Variants in CTXND1 observed in about 807,000 individuals in gnomAD.
CTXND1 encodes cortexin domain-containing 1 protein.
intron 1 of CTXND1, among the ~76,000 whole-genome samples, chr15:80,236,801 A>G (rs1289548362): frequency 6.9e-6 from 1 of 144,298 alleles, no homozygotes. Flanking sequence ...AAAAAATTAT[A>G]ATGGAGCTGA....
At chr15:80,203,566 C>T (rs1271252913) in intron 2 of CTXND1, 23 bp downstream of exon 2, 1 of 152,138 alleles carries the variant, frequency 6.6e-6, no homozygotes, top group Admixed American at 6.6e-5. Context: ...TCTCAGCCCT[C>T]ATCACTCTCG....
At chr15:80,237,359 A>T in intron 1 of CTXND1, among the ~76,000 whole-genome samples, 1 of 149,064 alleles carries the variant, frequency 6.7e-6, no homozygotes, top group East Asian at 2.0e-4. Context: ...AAAAAAAAAG[A>T]AAGAAAAAGA....
intron 1 of CTXND1, among the ~76,000 whole-genome samples, chr15:80,229,046 T>C (rs1893401732): frequency 6.6e-6 from 1 of 152,162 alleles, no homozygotes; most frequent in South Asian, 2.1e-4. Flanking sequence ...CATTTCAAAA[T>C]CTGAACACTC....
rs148274777 is a variant in CTXND1, at chr15:80,232,458, G to T, written c.-218+19549C>A. Among the ~76,000 whole-genome samples the T allele has an allele frequency of 3.6e-3, 545 of 152,278 alleles. 4 individuals are homozygous for T. The highest frequency in any genetic ancestry group is 0.013 in the African/African-American group (524 of 41,558). On this transcript the variant is annotated intron_variant, in intron 1 of 2. Transcript: ENST00000560778. ...TTAGTTTACTTAACACTAACAAACA[G>T]CCTTTAATGATTTTTTGTTGTTGTT...
At chr15:80,204,761 G>C (rs1469789337) in intron 1 of CTXND1, among the ~76,000 whole-genome samples, 1 of 150,834 alleles carries the variant, frequency 6.6e-6, no homozygotes, top group South Asian at 2.1e-4. Context: ...TATGAATGTG[G>C]GTGTACAAAT....
At chr15:80,219,901 C>T (rs546454848) in intron 1 of CTXND1, among the ~76,000 whole-genome samples, 8 of 152,120 alleles carry the variant, frequency 5.3e-5, no homozygotes, top group South Asian at 2.1e-4. Context: ...ATCATTTCTT[C>T]GCTGGTCTTG....
At chr15:80,215,890 A>C (rs1893247615) in intron 1 of CTXND1, among the ~76,000 whole-genome samples, 1 of 152,126 alleles carries the variant, frequency 6.6e-6, no homozygotes, top group Non-Finnish European at 1.5e-5. Flanking sequence ...CTGCAACTTC[A>C]ATCTTGGGAA....
At chr15:80,235,889 T>C (rs1893489501) in intron 1 of CTXND1, among the ~76,000 whole-genome samples, 2 of 151,458 alleles carry the variant, frequency 1.3e-5, no homozygotes, top group Non-Finnish European at 2.9e-5. Flanking sequence ...CCTCATGGGA[T>C]AATGATGAGG....
chr15:80,226,553 G>A (rs957698843), intron 1 of CTXND1, among the ~76,000 whole-genome samples: 8 of 152,104 alleles, frequency 5.3e-5, no homozygotes, highest in Non-Finnish European at 1.2e-4. Context: ...CTGTGGCAAC[G>A]AGAAAGCCTT....
At chr15:80,238,465 A>C (rs1249655270) in intron 1 of CTXND1, among the ~76,000 whole-genome samples, 3 of 150,966 alleles carry the variant, frequency 2.0e-5, no homozygotes, top group Admixed American at 1.3e-4. Context: ...AGCAGCGGGC[A>C]GACTTTGCCC....
intron 1 of CTXND1, among the ~76,000 whole-genome samples, chr15:80,227,626 T>C (rs1309656117): frequency 2.6e-5 from 4 of 152,246 alleles, no homozygotes; most frequent in Non-Finnish European, 5.9e-5. Context: ...ATAAAAGTTA[T>C]ATGTACACTA....
At chr15:80,230,672 T>A (rs907735046) in intron 1 of CTXND1, among the ~76,000 whole-genome samples, 1 of 152,230 alleles carries the variant, frequency 6.6e-6, no homozygotes, top group Non-Finnish European at 1.5e-5. Context: ...CATATGCATT[T>A]GGAGCTATAA....
At chr15:80,234,476 CTTT>C (rs5814009) in intron 1 of CTXND1, among the ~76,000 whole-genome samples, 10 of 133,758 alleles carry the variant, frequency 7.5e-5, no homozygotes, top group African/African-American at 1.4e-4. Context: ...TGAACATGCC[CTTT>C]TTTTTTTTTT....
chr15:80,230,389 C>A (rs548324408), intron 1 of CTXND1, among the ~76,000 whole-genome samples: 2 of 152,164 alleles, frequency 1.3e-5, no homozygotes, highest in African/African-American at 4.8e-5. Flanking sequence ...GGATTACAGA[C>A]GTGAGCCACA....
At chr15:80,233,870 T>C (rs1317528561) in intron 1 of CTXND1, among the ~76,000 whole-genome samples, 4 of 152,238 alleles carry the variant, frequency 2.6e-5, no homozygotes, top group Admixed American at 2.6e-4. Flanking sequence ...ACAGGACAGA[T>C]GACACGTTGT....
At chr15:80,240,576 G>A (rs1436960701) in intron 1 of CTXND1, among the ~76,000 whole-genome samples, 1 of 147,812 alleles carries the variant, frequency 6.8e-6, no homozygotes, top group Non-Finnish European at 1.5e-5. Flanking sequence ...ACTGTGTAGA[G>A]CGGAAAGCCT....
chr15:80,217,338 C>G (rs191028755), intron 1 of CTXND1, among the ~76,000 whole-genome samples: 3 of 152,170 alleles, frequency 2.0e-5, no homozygotes, highest in Admixed American at 2.0e-4. Context: ...ACTTTGTATA[C>G]TATTTTCTAA....
In CTXND1 at chr15:80,196,586, A is replaced by T. The variant is rs1256558185; in HGVS notation, c.*5184T>A. On this transcript the variant is annotated 3_prime_UTR_variant, in exon 3 of 3. Transcript: ENST00000560778. ...GATTTAAGTTGCAGGAGGGAGTGGG[A>T]CTAAATTGCTATCACCCCCAGACAA... 6.6e-6 allele frequency: 1 copy of T among 152,204 alleles called. No individual in the cohort carries two copies. The highest frequency in any genetic ancestry group is 1.9e-4 in the East Asian group (1 of 5,200). The allele number at this position is 152,204 out of a possible 1,614,324, so 9.4% of individuals were successfully genotyped here.
Position 80,241,729 on chromosome 15 carries a change from AGTCAGGCGCACT to A in CTXND1, c.-218+10266_-218+10277del, listed in dbSNP as rs1893570019. On this transcript the variant is annotated intron_variant, in intron 1 of 2. Transcript: ENST00000560778. ...TGTAGAGACCCCAGGTGCCCACGGA[AGTCAGGCGCACT>A]GGCCCTTGGGGGAAACAGCTGCTCG... is the stretch of plus-strand genomic sequence containing the variant. 1.3e-5 allele frequency among the ~76,000 whole-genome samples: 2 copies of A among 152,086 alleles called. 1 individual carries two copies. The highest frequency in any genetic ancestry group is 4.1e-4 in the South Asian group (2 of 4,824).
Sources: allele counts gnomAD v4.1 joint callset (sites outside exome capture counted in the v4.1 genomes callset), GRCh38; gene constraint gnomAD v4.1.1; transcripts MANE v1.5; gene names NCBI Gene and HGNC (gene_info 2026-07-23, HGNC 2026-07-21).